Variants in PTPRA observed in about 807,000 individuals in gnomAD.
PTPRA encodes protein tyrosine phosphatase receptor type A.
PTPRA carries 25 observed loss-of-function variants against 104.8 expected under a neutral mutation model. The observed-to-expected ratio is 0.24, with a 90% CI of 0.17 to 0.33. The LOEUF is 0.33. Among genes scored for constraint, PTPRA ranks in the 10% least tolerant of loss-of-function variants. The pLI, the probability that PTPRA is intolerant of heterozygous loss-of-function variation, is 1.00. For missense variants in PTPRA, 765 were observed against 1,015.3 expected, an observed-to-expected ratio of 0.75 and a Z score of 3.35; for synonymous variants, 323 against 368.9, an observed-to-expected ratio of 0.88 and a Z score of 1.43.
chr20:3,013,505 G>A (rs57982215), intron 11 of PTPRA, among the ~76,000 whole-genome samples: 8,279 of 151,338 alleles, frequency 0.055, 724 homozygotes, highest in African/African-American at 0.19. Context: ...CTCTGCATCC[G>A]GGGTTCAAGC....
chr20:2,883,919 C>T (rs1464328711), intron 1 of PTPRA, among the ~76,000 whole-genome samples: 1 of 152,212 alleles, frequency 6.6e-6, no homozygotes, highest in African/African-American at 2.4e-5. Flanking sequence ...CCTCCAGTCC[C>T]TGGCAACTAC....
intron 12 of PTPRA, among the ~76,000 whole-genome samples, chr20:3,016,589 A>C (rs1272776296): frequency 6.6e-6 from 1 of 152,154 alleles, no homozygotes; most frequent in African/African-American, 2.4e-5. Flanking sequence ...CTCTACTAAA[A>C]ATTAGCCAGG....
chr20:2,970,597 G>T (rs572851123), intron 5 of PTPRA, among the ~76,000 whole-genome samples: 46 of 152,286 alleles, frequency 3.0e-4, no homozygotes, highest in South Asian at 1.5e-3. Context: ...TTTGGGAAAT[G>T]AGTCCTTTGC....
At chr20:2,904,945 G>C (rs900754597) in intron 1 of PTPRA, among the ~76,000 whole-genome samples, 1 of 152,074 alleles carries the variant, frequency 6.6e-6, no homozygotes, top group African/African-American at 2.4e-5. Context: ...AAATTATATA[G>C]AGCAGGGATA....
chr20:2,957,356 A>G (rs1016790671), intron 3 of PTPRA, among the ~76,000 whole-genome samples: 1 of 152,206 alleles, frequency 6.6e-6, no homozygotes, highest in South Asian at 2.1e-4. Context: ...GCATCTTTTC[A>G]TAGATTTAAG....
chr20:2,949,977 T>C (rs1157046835), intron 3 of PTPRA, among the ~76,000 whole-genome samples: 1 of 152,168 alleles, frequency 6.6e-6, no homozygotes, highest in Non-Finnish European at 1.5e-5. Flanking sequence ...AATTTGTTGA[T>C]ACTTTGTTAT....
rs1184315408 is a variant in PTPRA at position 2,955,931 on chromosome 20, C to A, written c.-7+7907C>A. ...ATACAACATCTACTCTAATACCACA[C>A]ATTCTCCATGTTCAAACTAACCTCA... is the stretch of plus-strand genomic sequence containing the variant. On this transcript the variant is annotated intron_variant, in intron 3 of 23. Transcript: ENST00000399903. Among the ~76,000 whole-genome samples, 18 of 152,156 alleles carry A rather than the reference C, an allele frequency of 1.2e-4. 1 individual carries two copies. Among genetic ancestry groups the A allele is most frequent in the Non-Finnish European group, 2.6e-4 (18 of 68,028 alleles).
intron 1 of PTPRA, among the ~76,000 whole-genome samples, chr20:2,899,348 GTTC>G (rs1361448158): frequency 6.6e-6 from 1 of 152,208 alleles, no homozygotes; most frequent in Non-Finnish European, 1.5e-5. Flanking sequence ...GTTACTCACA[GTTC>G]TTCTGAAACA....
chr20:2,922,898 G>T (rs1197233847), intron 1 of PTPRA, among the ~76,000 whole-genome samples: 1 of 151,948 alleles, frequency 6.6e-6, no homozygotes, highest in Non-Finnish European at 1.5e-5. Context: ...GCCTCCCAAA[G>T]TGCTGGGATT....
At chr20:2,990,350 T>C (rs963253876) in intron 9 of PTPRA, among the ~76,000 whole-genome samples, 12 of 152,334 alleles carry the variant, frequency 7.9e-5, no homozygotes, top group African/African-American at 2.9e-4. Context: ...TCTTGTCACA[T>C]GCTCCTTCTT....
chr20:2,877,179 T>C (rs936343807), intron 1 of PTPRA, among the ~76,000 whole-genome samples: 2 of 152,218 alleles, frequency 1.3e-5, no homozygotes, highest in East Asian at 1.9e-4. Context: ...TGGCCAAATA[T>C]AGAATCTTGT....
At chr20:2,921,322 CTTTTTTTTTTTT>C (rs11477373) in intron 1 of PTPRA, among the ~76,000 whole-genome samples, 2 of 103,958 alleles carry the variant, frequency 1.9e-5, no homozygotes, top group Non-Finnish European at 3.8e-5. Context: ...TGGGAATGCG[CTTTTTTTTTTTT>C]TTTTTTTTGA....
intron 2 of PTPRA, among the ~76,000 whole-genome samples, chr20:2,937,681 G>T (rs1184338880): frequency 6.6e-6 from 1 of 151,890 alleles, no homozygotes; most frequent in African/African-American, 2.4e-5. Flanking sequence ...TCTATTTGAG[G>T]TTTTCTTCTG....
chr20:2,931,964 A>G (rs1321524180), intron 2 of PTPRA, among the ~76,000 whole-genome samples: 4 of 152,162 alleles, frequency 2.6e-5, no homozygotes, highest in African/African-American at 9.7e-5. Flanking sequence ...CCGACTTGGA[A>G]AATGAACACA....
chr20:3,019,148 G>A (rs1343735740), intron 13 of PTPRA, among the ~76,000 whole-genome samples: 24 of 142,494 alleles, frequency 1.7e-4, no homozygotes, highest in South Asian at 4.4e-4. Context: ...CTGGCCGGGC[G>A]GGGGGCTGAT....
intron 10 of PTPRA, 95 bp downstream of exon 10, chr20:3,005,241 A>C (rs996005060): frequency 1.5e-5 from 18 of 1,231,812 alleles, no homozygotes; most frequent in Non-Finnish European, 1.9e-5. Flanking sequence ...TGGGCACAGC[A>C]GGGTGAATAA....
chr20:2,912,950 A>G (rs549898612), intron 1 of PTPRA, among the ~76,000 whole-genome samples: 1 of 152,310 alleles, frequency 6.6e-6, no homozygotes, highest in Non-Finnish European at 1.5e-5. Flanking sequence ...TTTTTGTCGT[A>G]ATTGCATTTT....
chr20:3,032,709 T>C (rs1179019213), intron 20 of PTPRA, among the ~76,000 whole-genome samples: 1 of 149,412 alleles, frequency 6.7e-6, no homozygotes, highest in Non-Finnish European at 1.5e-5. Flanking sequence ...AAGGTTGCAA[T>C]GAGCCAAGAT....
intron 1 of PTPRA, among the ~76,000 whole-genome samples, chr20:2,888,318 C>T (rs879605214): frequency 2.6e-5 from 4 of 152,012 alleles, no homozygotes; most frequent in Admixed American, 2.6e-4. Context: ...CTAGCACTTT[C>T]GGAGGCCAAC....
Sources: gnomAD v4.1 joint callset for allele counts (sites outside exome capture counted in the v4.1 genomes callset) on GRCh38, gnomAD v4.1.1 for gene constraint, MANE v1.5 for transcripts, NCBI Gene and HGNC (gene_info 2026-07-23, HGNC 2026-07-21) for gene names.